The following ZNF394 variants were observed in gnomAD, a reference collection of about 807,000 sequenced individuals.
ZNF394 encodes the protein zinc finger protein 99.
ZNF394 carries 19 observed loss-of-function variants against 21.8 expected under a neutral mutation model. The ratio of observed to expected loss-of-function variants is 0.87; its 90% CI spans 0.61 to 1.28. The LOEUF (loss-of-function observed/expected upper bound fraction) is 1.28. Among genes scored for constraint, ZNF394 ranks in the 50% most tolerant of loss-of-function variants. The probability of loss-of-function intolerance (pLI) is 0.00; values close to 1 mark genes in which losing one functional copy is unlikely to be tolerated. For synonymous variants in ZNF394, 294 were observed against 273.3 expected (o/e 1.08, Z -0.75); for missense variants, 683 against 708.6 (o/e 0.96, Z 0.41).
intron 2 of ZNF394, chr7:99,498,007 G>C (rs1800392212): frequency 6.6e-6 from 1 of 152,126 alleles, no homozygotes. Context: ...CAGGAAGGGG[G>C]GACTACTGCC....
downstream of ZNF394, among the ~76,000 whole-genome samples, chr7:99,490,147 T>A (rs1800130966): frequency 1.5e-5 from 1 of 68,578 alleles, no homozygotes; most frequent in Non-Finnish European, 2.3e-5. Flanking sequence ...AAACCTCATC[T>A]TTTTTTTTTT....
At chr7:99,493,212 A>G, downstream of ZNF394, 1 of 1,069,024 alleles carries the variant, frequency 9.4e-7, no homozygotes, top group Non-Finnish European at 1.1e-6. Flanking sequence ...GTTCTGGACA[A>G]GAAAAGAAAC....
chr7:99,495,269 A>G (rs1800268006), intron 2 of ZNF394, among the ~76,000 whole-genome samples: 2 of 151,814 alleles, frequency 1.3e-5, no homozygotes, highest in Admixed American at 6.6e-5. Flanking sequence ...GGCCTCCCAG[A>G]CTTCTGGGAT....
chr7:99,494,123 C>A lies in ZNF394; in HGVS notation c.1092G>T (p.Gly364=). The change falls in exon 3 of 3, where the codon GGG becomes GGT. Residue 364 remains glycine, a synonymous_variant. Coordinates refer to ENST00000337673, the MANE Select transcript of ZNF394 (RefSeq NM_032164.4). ...GGTCAGAGCGTTGTTTGAAACTCTT[C>A]CCACAGTTACCACATTTATAAGGTC... ...EERPYKCGNC[G]KSFKQRSDLF... is the part of the protein sequence containing the mutation. 4 of 1,614,246 alleles carry A rather than the reference C, an allele frequency of 2.5e-6. No homozygotes were observed. The East Asian group carries it at 8.9e-5, about 36-fold the overall frequency.
In ZNF394 at chr7:99,499,842, C is replaced by G; in HGVS notation, c.252G>C (p.Arg84=). 5 of 1,614,156 alleles carry G rather than the reference C, an allele frequency of 3.1e-6. No homozygotes were observed. Among genetic ancestry groups the G allele is most frequent in the Non-Finnish European group, 4.2e-6 (5 of 1,180,024 alleles). The part of the protein sequence containing the change: ...EVAGPEEALS[R]LRELCRRWLR... ...GCCACCGACGACAGAGTTCTCGGAG[C>G]CGGCTCAGCGCCTCTTCCGGTCCAG... The change falls in exon 1 of 3, where the codon CGG becomes CGC. Residue 84 remains arginine (R), a synonymous_variant. Transcript: ENST00000337673.
chr7:99,498,579 G>GCTC, intron 2 of ZNF394, 137 bp downstream of exon 2: 1 of 1,226,510 alleles, frequency 8.2e-7, no homozygotes. Flanking sequence ...CAGTACAGAG[G>GCTC]CTCCTGCTTG....
At position 99,499,630 on chromosome 7, in the gene ZNF394, C is replaced by A; in HGVS notation, c.456+8G>T. The stretch of plus-strand genomic sequence containing the variant: ...TCCCACCTCCAGAACAGGCCTTTCG[C>A]TTCTCACCTGGGATGAGGTTCCATC... On this transcript the variant is annotated splice_region_variant and intron_variant, in intron 1 of 2. Transcript: ENST00000337673. 1 of 1,569,492 alleles carries A rather than the reference C, an allele frequency of 6.4e-7. No homozygotes were observed. The highest frequency in any genetic ancestry group is 1.4e-5 in the African/African-American group (1 of 73,904).
At chr7:99,487,237 T>G in intron 1 of ZNF394, 1 of 1,614,196 alleles carries the variant, frequency 6.2e-7, no homozygotes, top group Non-Finnish European at 8.5e-7. Flanking sequence ...CACCCATAAA[T>G]GCAGTGAATG....
chr7:99,488,935 A>AAG (rs1800097203), downstream of ZNF394, among the ~76,000 whole-genome samples: 1 of 150,316 alleles, frequency 6.7e-6, no homozygotes, highest in East Asian at 2.0e-4. Context: ...CATCTCAAAA[A>AAG]AAAAAAAAAA....
At chr7:99,493,163 C>A (rs1432231713), downstream of ZNF394, 4 of 1,014,600 alleles carry the variant, frequency 3.9e-6, no homozygotes, top group African/African-American at 6.9e-5. Context: ...CAAGGAAGAT[C>A]CATAATTGAC....
At chr7:99,496,760 T>TG (rs1800325486) in intron 2 of ZNF394, among the ~76,000 whole-genome samples, 1 of 150,798 alleles carries the variant, frequency 6.6e-6, no homozygotes, top group African/African-American at 2.4e-5. Flanking sequence ...TTTAAAGAGA[T>TG]GGGGTCTCGC....
rs771820190 is a variant in ZNF394, at chr7:99,487,508, A to G, written n.84-545T>C. 1.9e-6 allele frequency: 3 copies of G among 1,594,694 alleles called. No individual in the cohort carries two copies. In the African/African-American group the frequency reaches 4.1e-5, roughly 22 times the overall value. On this transcript the variant is annotated intron_variant and non_coding_transcript_variant, in intron 1 of 1. Transcript: ENST00000462024. The stretch of plus-strand genomic sequence containing the variant: ...ACATGATGTTAATTGGAAAGCAGTC[A>G]TTGGAGAACTAGAACTTATAAACCT...
At chr7:99,495,484 G>C (rs145140863) in intron 2 of ZNF394, among the ~76,000 whole-genome samples, 1 of 149,742 alleles carries the variant, frequency 6.7e-6, no homozygotes, top group African/African-American at 2.5e-5. Flanking sequence ...CACCACACCC[G>C]GCTAATTTTT....
At chr7:99,493,208 G>A (rs186279147), downstream of ZNF394, 78 of 1,065,352 alleles carry the variant, frequency 7.3e-5, no homozygotes, top group Middle Eastern at 1.4e-3. Context: ...TGTGGTTCTG[G>A]ACAAGAAAAG....
chr7:99,499,398 G>GA (rs376340266), intron 1 of ZNF394, among the ~76,000 whole-genome samples: 4,126 of 103,252 alleles, frequency 0.04, 74 homozygotes, highest in African/African-American at 0.08. Context: ...AGAACAACAA[G>GA]AAAAAAAAAA....
intron 1 of ZNF394, among the ~76,000 whole-genome samples, chr7:99,488,215 G>A (rs1800072395): frequency 6.6e-6 from 1 of 152,006 alleles, no homozygotes; most frequent in African/African-American, 2.4e-5. Context: ...GCCAGGCTGG[G>A]GACCATTGCA....
rs148385345 is a variant in ZNF394, at chr7:99,499,647, G to A, written c.447C>T (p.Thr149=). The A allele has an allele frequency of 1.8e-5, 28 of 1,593,700 alleles. 1 individual carries two copies. The African/African-American group carries it at 2.8e-4, about 16-fold the overall frequency. Residue 149 remains threonine (T), a synonymous_variant, in exon 1 of 3, where the codon ACC becomes ACT. Transcript: ENST00000337673. ...GCCTTTCGCTTCTCACCTGGGATGA[G>A]GTTCCATCGAGCGCTCGCTGCAGAG... The part of the protein sequence containing the change: ...VRALQRALDG[T]SSQGMVTFED...
chr7:99,498,903 C>T, intron 1 of ZNF394, 61 bp from the exon 2 acceptor site: 1 of 1,544,398 alleles, frequency 6.5e-7, no homozygotes, highest in Non-Finnish European at 8.8e-7. Context: ...TAACACTCTT[C>T]TTGAGTCTTG....
At chr7:99,486,628 A>C in exon 2 of ZNF394, 1 of 1,614,210 alleles carries the variant, frequency 6.2e-7, no homozygotes, top group Non-Finnish European at 8.5e-7. Flanking sequence ...GGACAGTTGC[A>C]GGCTTACTTT....
Sources: gnomAD v4.1 joint callset for allele counts (sites outside exome capture counted in the v4.1 genomes callset) on GRCh38, gnomAD v4.1.1 for gene constraint, MANE v1.5 for transcripts, NCBI Gene and HGNC (gene_info 2026-07-23, HGNC 2026-07-21) for gene names.